The following UBE2L3 variants were observed in gnomAD, a reference collection of about 807,000 sequenced individuals.
UBE2L3 encodes ubiquitin-conjugating enzyme E2 L3.
A neutral mutation model predicts 17.8 loss-of-function variants in UBE2L3; 1 was observed. That is an observed-to-expected ratio of 0.06 (90% CI 0.02 to 0.27). The LOEUF is 0.27. Among genes scored for constraint, UBE2L3 ranks in the 10% least tolerant of loss-of-function variants. UBE2L3 has a pLI of 1.00. For missense variants in UBE2L3, 40 were observed against 192.6 expected, an observed-to-expected ratio of 0.21 and a Z score of 4.69; for synonymous variants, 44 against 68.5, an observed-to-expected ratio of 0.64 and a Z score of 1.76.
intron 1 of UBE2L3, among the ~76,000 whole-genome samples, chr22:21,574,519 A>G (rs1927156499): frequency 2.0e-5 from 3 of 152,010 alleles, no homozygotes; most frequent in Admixed American, 2.0e-4. Flanking sequence ...GTGATAGGAG[A>G]TGGTATTGCA....
At chr22:21,595,842 A>C (rs909570730) in intron 2 of UBE2L3, among the ~76,000 whole-genome samples, 1 of 151,922 alleles carries the variant, frequency 6.6e-6, no homozygotes, top group African/African-American at 2.4e-5. Flanking sequence ...AACCTTCAGC[A>C]TACTTCCTCT....
At chr22:21,620,909 C>T (rs909437725) in intron 3 of UBE2L3, among the ~76,000 whole-genome samples, 4 of 152,176 alleles carry the variant, frequency 2.6e-5, no homozygotes, top group Non-Finnish European at 5.9e-5. Flanking sequence ...CAGGGAAGTT[C>T]TACCCGGTCC....
At chr22:21,564,471 G>A (rs1468005742), upstream of UBE2L3, among the ~76,000 whole-genome samples, 1 of 152,160 alleles carries the variant, frequency 6.6e-6, no homozygotes, top group African/African-American at 2.4e-5. Context: ...GCAGGAGAGG[G>A]ACCCCAAAGG....
chr22:21,609,804 T>G (rs1929379955), intron 2 of UBE2L3, among the ~76,000 whole-genome samples: 1 of 152,122 alleles, frequency 6.6e-6, no homozygotes, highest in Admixed American at 6.6e-5. Context: ...GGCAGGCAGA[T>G]CACTTGAGGT....
chr22:21,621,724 C>T lies in UBE2L3; in HGVS notation c.*55C>T. ...GAGCAGAGACCCCGTGCAGTGCATT[C>T]AGACACCCCGCAAAGCAGGACTCTG... On this transcript the variant is annotated 3_prime_UTR_variant, in exon 4 of 4. Coordinates refer to ENST00000342192, the MANE Select transcript of UBE2L3 (RefSeq NM_003347.4). 1.5e-6 allele frequency: 2 copies of T among 1,322,276 alleles called. No individual in the cohort carries two copies. Among genetic ancestry groups the T allele is most frequent in the Non-Finnish European group, 2.1e-6 (2 of 943,370 alleles). 81.9% of individuals were successfully genotyped at this position (1,322,276 alleles called of 1,614,324 possible).
Position 21,567,731 on chromosome 22 carries a change from G to T in UBE2L3, c.-14G>T, listed in dbSNP as rs1474926488. 2 of 1,579,984 alleles carry T rather than the reference G, an allele frequency of 1.3e-6. No homozygotes were observed. Among genetic ancestry groups the T allele is most frequent in the African/African-American group, 1.3e-5 (1 of 74,720 alleles). On this transcript the variant is annotated 5_prime_UTR_variant, in exon 1 of 4. Transcript: ENST00000342192. ...CGCGATGCATTCTGGGGAAGGAGCA[G>T]CACCAAATCCAAGATGGCGGCCAGC...
chr22:21,583,071 C>T (rs2148412821), intron 1 of UBE2L3, among the ~76,000 whole-genome samples: 1 of 152,274 alleles, frequency 6.6e-6, no homozygotes, highest in Middle Eastern at 3.4e-3. Flanking sequence ...AAAGTTCTGG[C>T]CCTGATCATG....
At chr22:21,587,470 C>T (rs1450102740) in intron 1 of UBE2L3, among the ~76,000 whole-genome samples, 2 of 152,300 alleles carry the variant, frequency 1.3e-5, no homozygotes, top group Non-Finnish European at 2.9e-5. Context: ...TGAGCCACCG[C>T]GCCTCGCCTA....
intron 1 of UBE2L3, among the ~76,000 whole-genome samples, chr22:21,571,898 T>G (rs1926989371): frequency 6.6e-6 from 1 of 152,116 alleles, no homozygotes; most frequent in Non-Finnish European, 1.5e-5. Flanking sequence ...GTATGTCACA[T>G]GTTTCAGGAG....
intron 2 of UBE2L3, among the ~76,000 whole-genome samples, chr22:21,604,063 C>G (rs1018258954): frequency 1.3e-5 from 2 of 151,960 alleles, no homozygotes; most frequent in African/African-American, 2.4e-5. Flanking sequence ...AGTTTTTGAA[C>G]TAGTTTAGAG....
At chr22:21,558,928 G>A (rs1474663582) in intron 1 of UBE2L3, among the ~76,000 whole-genome samples, 2 of 151,872 alleles carry the variant, frequency 1.3e-5, no homozygotes, top group African/African-American at 4.9e-5. Flanking sequence ...GGCCAGATGT[G>A]GCTGCTGTCC....
At chr22:21,596,602 G>A (rs1408202072) in intron 2 of UBE2L3, among the ~76,000 whole-genome samples, 3 of 152,002 alleles carry the variant, frequency 2.0e-5, no homozygotes, top group Non-Finnish European at 2.9e-5. Flanking sequence ...GCAGTTATGC[G>A]ATCTCGGCTC....
At chr22:21,552,115 C>T (rs1189027036) in intron 1 of UBE2L3, among the ~76,000 whole-genome samples, 1 of 151,676 alleles carries the variant, frequency 6.6e-6, no homozygotes, top group Non-Finnish European at 1.5e-5. Flanking sequence ...CCTCTTTGCC[C>T]TTCCTGTCTG....
chr22:21,599,437 C>T (rs928564990), intron 2 of UBE2L3, among the ~76,000 whole-genome samples: 2 of 152,062 alleles, frequency 1.3e-5, no homozygotes, highest in Non-Finnish European at 2.9e-5. Context: ...TGTTGAGCTC[C>T]TATCACAGCC....
upstream of UBE2L3, among the ~76,000 whole-genome samples, chr22:21,565,754 C>CAAAAAAAAAAAA (rs131662): frequency 1.7e-4 from 5 of 30,282 alleles, no homozygotes; most frequent in African/African-American, 2.2e-4. Context: ...AACTGTGTCT[C>CAAAAAAAAAAAA]AAAAAAAAAA....
intron 1 of UBE2L3, among the ~76,000 whole-genome samples, chr22:21,578,285 G>A (rs1163093239): frequency 6.6e-6 from 1 of 151,882 alleles, no homozygotes; most frequent in Non-Finnish European, 1.5e-5. Flanking sequence ...GTGTGAACCC[G>A]GGAGTCGGAG....
chr22:21,616,106 C>T (rs916517607), intron 3 of UBE2L3, among the ~76,000 whole-genome samples: 11 of 152,180 alleles, frequency 7.2e-5, no homozygotes, highest in Admixed American at 6.5e-4. Flanking sequence ...TATTAATCAG[C>T]TGGCAAAAAT....
chr22:21,562,055 TC>T (rs1382839828), intron 1 of UBE2L3, among the ~76,000 whole-genome samples: 1 of 151,944 alleles, frequency 6.6e-6, no homozygotes, highest in African/African-American at 2.4e-5. Context: ...CCCTGGTTCC[TC>T]CCCCAGCTTC....
chr22:21,584,799 A>G (rs904480668), intron 1 of UBE2L3, among the ~76,000 whole-genome samples: 2 of 151,800 alleles, frequency 1.3e-5, no homozygotes, highest in Non-Finnish European at 2.9e-5. Flanking sequence ...CATCTCTACT[A>G]AAAATACAAA....
Sources: allele counts gnomAD v4.1 joint callset (sites outside exome capture counted in the v4.1 genomes callset), GRCh38; gene constraint gnomAD v4.1.1; transcripts MANE v1.5; gene names NCBI Gene and HGNC (gene_info 2026-07-23, HGNC 2026-07-21).